Variants in GLB1L3 observed in about 807,000 individuals in gnomAD.
GLB1L3 encodes galactosidase beta 1 like 3, also known as beta-galactosidase-1-like protein 3.
GLB1L3 carries 89 observed loss-of-function variants against 89.5 expected under a neutral mutation model. The observed-to-expected ratio is 0.99, with a 90% CI of 0.84 to 1.19. GLB1L3 has a LOEUF of 1.19. GLB1L3 is among the 50% of genes most tolerant of loss of function. GLB1L3 has a pLI of 0.00. For missense variants in GLB1L3, 812 were observed against 813.3 expected (o/e 1.00, Z 0.02); for synonymous variants, 314 against 312.3 (o/e 1.01, Z -0.06).
Position 134,307,152 on chromosome 11 carries a change from A to G in GLB1L3, c.905A>G (p.Tyr302Cys). The G allele has an allele frequency of 6.2e-7, 1 of 1,613,748 alleles. No individual in the cohort carries two copies. The highest frequency in any genetic ancestry group is 8.5e-7 in the Non-Finnish European group (1 of 1,179,730). ...GATAAGCCCCTTCTGATTATGGAAT[A>G]CTGGGTCGGCTGGTTCGACAGATGG... Reference protein sequence around the residue: ...QRDKPLLIMEYWVGWFDRWGD... With the variant: ...QRDKPLLIMECWVGWFDRWGD... Residue 302 changes from tyrosine to cysteine, a missense_variant, in exon 10 of 20, where the codon TAC (tyrosine) becomes TGC (cysteine). Tyr to Cys is a radical substitution (Grantham distance 194). Coordinates refer to ENST00000431683, the MANE Select transcript of GLB1L3 (RefSeq NM_001080407.3).
downstream of GLB1L3, among the ~76,000 whole-genome samples, chr11:134,319,724 A>ATGTGTGTGTGTGTGTGTG (rs71464005): frequency 7.8e-6 from 1 of 128,182 alleles, no homozygotes; most frequent in African/African-American, 2.8e-5. Context: ...CTCTCTGTGT[A>ATGTGTGTGTGTGTGTGTG]TGTGTGTGTG....
chr11:134,295,632 G>A (rs1941592535), intron 9 of GLB1L3, among the ~76,000 whole-genome samples: 1 of 152,006 alleles, frequency 6.6e-6, no homozygotes, highest in African/African-American at 2.4e-5. Context: ...TGAACTTTTA[G>A]CATTTTCTCC....
chr11:134,314,794 A>G (rs990190299), intron 18 of GLB1L3, among the ~76,000 whole-genome samples: 5 of 152,146 alleles, frequency 3.3e-5, no homozygotes, highest in Non-Finnish European at 7.3e-5. Context: ...CACGTACACA[A>G]TTATTTTTAC....
chr11:134,319,615 G>A (rs1477258422), downstream of GLB1L3: 1 of 151,886 alleles, frequency 6.6e-6, no homozygotes, highest in Non-Finnish European at 1.5e-5. Flanking sequence ...TGAAGCCTGG[G>A]GAAGAGTAAG....
downstream of GLB1L3, among the ~76,000 whole-genome samples, chr11:134,323,379 G>GCA (rs3065407): frequency 6.6e-5 from 9 of 136,692 alleles, no homozygotes; most frequent in South Asian, 2.4e-4. Flanking sequence ...ACATGCGTGC[G>GCA]CACACACACA....
chr11:134,292,839 G>C, intron 8 of GLB1L3: 1 of 488,878 alleles, frequency 2.0e-6, no homozygotes, highest in Non-Finnish European at 3.7e-6. Context: ...AACACGTGCT[G>C]AGCTTGGGGC....
chr11:134,316,154 A>G (rs1193683360), intron 18 of GLB1L3, among the ~76,000 whole-genome samples: 1 of 151,874 alleles, frequency 6.6e-6, no homozygotes, highest in Non-Finnish European at 1.5e-5. Context: ...TGGCAACAGC[A>G]ATCTTTTTAT....
rs534354422 is a variant in GLB1L3 at position 134,283,820 on chromosome 11, T to A, written c.611T>A (p.Leu204Gln). The A allele has an allele frequency of 1.4e-5, 23 of 1,610,170 alleles. No individual in the cohort carries two copies. In the South Asian group the frequency reaches 2.2e-4, roughly 15 times the overall value. ...GCAGTTGAGAAGTATTTTGACCACC[T>A]GATTCCCAGAGTGATTCCTCTCCAG... ...IEAVEKYFDH[L>Q]IPRVIPLQYR... Residue 204 changes from leucine (L) to glutamine (Q), a missense_variant, in exon 6 of 20, where the codon CTG (leucine) becomes CAG (glutamine). By Grantham distance (113) the Leu-to-Gln change is moderately radical. Coordinates refer to ENST00000431683, the MANE Select transcript of GLB1L3 (RefSeq NM_001080407.3).
In GLB1L3 at chr11:134,311,302, C is replaced by T; in HGVS notation, c.1287+132C>T. On this transcript the variant is annotated intron_variant, in intron 13 of 19. Coordinates refer to ENST00000431683, the MANE Select transcript of GLB1L3 (RefSeq NM_001080407.3). Reference sequence around the variant, plus strand: ...TTCATTCAAATTTAGAACTGTGGGACAAGAGCCACCAGCTCCTTCCGGGTG... The same window carrying T: ...TTCATTCAAATTTAGAACTGTGGGATAAGAGCCACCAGCTCCTTCCGGGTG... 1.2e-5 allele frequency: 9 copies of T among 732,370 alleles called. No homozygotes were observed. In the South Asian group the frequency reaches 1.3e-4, roughly 10 times the overall value. 45.4% of individuals were successfully genotyped at this position (732,370 alleles called of 1,614,324 possible).
chr11:134,290,573 C>G (rs1473511463), intron 7 of GLB1L3, among the ~76,000 whole-genome samples: 1 of 112,914 alleles, frequency 8.9e-6, no homozygotes, highest in Non-Finnish European at 2.0e-5. Context: ...ACTCGTCCCC[C>G]CCCGCCAAAA....
At chr11:134,301,287 A>C (rs986670653) in intron 9 of GLB1L3, among the ~76,000 whole-genome samples, 1 of 152,144 alleles carries the variant, frequency 6.6e-6, no homozygotes, top group Non-Finnish European at 1.5e-5. Flanking sequence ...CGCTGTGAGG[A>C]TGGGATTTAT....
At chr11:134,323,560 G>A (rs1943191362), downstream of GLB1L3, among the ~76,000 whole-genome samples, 1 of 151,842 alleles carries the variant, frequency 6.6e-6, no homozygotes, top group African/African-American at 2.4e-5. Flanking sequence ...GGGCGACAGA[G>A]CGAGACCCCG....
At chr11:134,308,229 C>T (rs370307514) in intron 10 of GLB1L3, among the ~76,000 whole-genome samples, 4,351 of 24,638 alleles carry the variant, frequency 0.18, 1,322 homozygotes, top group Non-Finnish European at 0.21. Context: ...ACCATCACCA[C>T]CACCACCATC....
intron 14 of GLB1L3, 35 bp from the exon 15 acceptor site, chr11:134,312,781 G>A: frequency 6.4e-7 from 1 of 1,557,116 alleles, no homozygotes; most frequent in Non-Finnish European, 8.8e-7. Context: ...TCTTCGGGTG[G>A]GCCTAGCAGT....
chr11:134,288,742 C>A lies in GLB1L3; in HGVS notation c.637-56C>A, dbSNP rs1027020170. The A allele has an allele frequency of 6.0e-5, 80 of 1,328,352 alleles. No individual in the cohort carries two copies. The African/African-American group carries it at 8.1e-4, about 13-fold the overall frequency. 82.3% of individuals were successfully genotyped at this position (1,328,352 alleles called of 1,614,324 possible). A position where few individuals can be genotyped will look rare whatever the true frequency, so the allele number is the denominator to read the frequency against. ...GCCTTCGGCAGCAAGCTCAGAGACT[C>A]CAGGCTTTTGCCCCAAATAGCCTCA... On this transcript the variant is annotated intron_variant, in intron 6 of 19. Transcript: ENST00000431683.
At chr11:134,286,651 C>T (rs1453926466) in intron 6 of GLB1L3, among the ~76,000 whole-genome samples, 1 of 150,942 alleles carries the variant, frequency 6.6e-6, no homozygotes, top group Non-Finnish European at 1.5e-5. Flanking sequence ...GTGGCGGGCG[C>T]CTGTAGTCCC....
At chr11:134,284,431 T>C (rs1940872912) in intron 6 of GLB1L3, among the ~76,000 whole-genome samples, 1 of 152,146 alleles carries the variant, frequency 6.6e-6, no homozygotes. Flanking sequence ...TCATAATTCA[T>C]TTAACAGGTA....
chr11:134,323,982 G>A (rs186880237), downstream of GLB1L3, among the ~76,000 whole-genome samples: 89 of 152,296 alleles, frequency 5.8e-4, no homozygotes, highest in African/African-American at 1.9e-3. Context: ...GCTAAAAGTC[G>A]TGAATGAAGC....
chr11:134,319,747 T>C (rs1366361350), downstream of GLB1L3, among the ~76,000 whole-genome samples: 45 of 139,756 alleles, frequency 3.2e-4, no homozygotes, highest in Admixed American at 9.3e-4. Flanking sequence ...TGTGTGTGTG[T>C]GCGCGCGCGC....
Sources: allele counts gnomAD v4.1 joint callset (sites outside exome capture counted in the v4.1 genomes callset), GRCh38; gene constraint gnomAD v4.1.1; transcripts MANE v1.5; gene names NCBI Gene and HGNC (gene_info 2026-07-23, HGNC 2026-07-21).